GRB10: variants seen among roughly 807,000 people sequenced by gnomAD.
The protein encoded by GRB10 is growth factor receptor-bound protein 10.
Under a neutral mutation model 80.9 loss-of-function variants are expected in GRB10, and 20 were observed. The observed-to-expected ratio is 0.25, with a 90% confidence interval of 0.17 to 0.36. The LOEUF (loss-of-function observed/expected upper bound fraction) is 0.36. Among genes scored for constraint, GRB10 ranks in the 10% least tolerant of loss-of-function variants. The probability of loss-of-function intolerance (pLI) is 1.00; values close to 1 mark genes in which losing one functional copy is unlikely to be tolerated. For missense variants in GRB10, 548 were observed against 747.7 expected, an observed-to-expected ratio of 0.73 and a Z score of 3.12; for synonymous variants, 291 against 291.5, an observed-to-expected ratio of 1.00 and a Z score of 0.02.
intron 4 of GRB10, among the ~76,000 whole-genome samples, chr7:50,715,812 C>T (rs11765762): frequency 0.61 from 92,584 of 152,078 alleles, 31,345 homozygotes; most frequent in Middle Eastern, 0.86. Flanking sequence ...ACCCTCTCCC[C>T]CTAAATAACT....
intron 2 of GRB10, among the ~76,000 whole-genome samples, chr7:50,775,002 A>G (rs1049998047): frequency 6.7e-6 from 1 of 149,732 alleles, no homozygotes; most frequent in African/African-American, 2.5e-5. Flanking sequence ...AAACAAAACA[A>G]AAAAAAAAAC....
intron 7 of GRB10, among the ~76,000 whole-genome samples, chr7:50,650,119 G>A (rs540349524): frequency 6.6e-5 from 10 of 152,288 alleles, no homozygotes; most frequent in East Asian, 1.9e-4. Context: ...AGGAGACAGC[G>A]AAGGGATGAA....
At chr7:50,617,921 TC>T (rs796597678) in intron 10 of GRB10, 149 bp downstream of exon 10, 20 of 735,042 alleles carry the variant, frequency 2.7e-5, no homozygotes, top group South Asian at 1.3e-4. Context: ...CTCTAAACCC[TC>T]CCCCCAACCA....
intron 7 of GRB10, among the ~76,000 whole-genome samples, chr7:50,668,388 A>G (rs2060026821): frequency 6.6e-6 from 1 of 151,894 alleles, no homozygotes; most frequent in African/African-American, 2.4e-5. Flanking sequence ...ATATGCATTT[A>G]GCAGAAGGAA....
chr7:50,663,260 C>A (rs994154694), intron 7 of GRB10, among the ~76,000 whole-genome samples: 1 of 152,146 alleles, frequency 6.6e-6, no homozygotes, highest in Non-Finnish European at 1.5e-5. Context: ...GGTGAAGGGA[C>A]CTTCCCCCAC....
In GRB10 at chr7:50,595,442, A is replaced by G; in HGVS notation, c.1633T>C (p.Leu545=). The G allele has an allele frequency of 1.3e-6, 2 of 1,531,482 alleles. No homozygotes were observed. Among genetic ancestry groups the G allele is most frequent in the South Asian group, 1.1e-5 (1 of 89,404 alleles). 94.9% of individuals were successfully genotyped at this position (1,531,482 alleles called of 1,614,324 possible). Residue 545 remains leucine, a synonymous_variant, in exon 18 of 19, where the codon TTA becomes CTA. Coordinates refer to ENST00000401949, the MANE Select transcript of GRB10 (RefSeq NM_001350814.2). ...CTGAGAACATCAATACTTACAGGTA[A>G]GATCTGGAAATTTTTAATTTTCTGG... ...HHQKIKNFQI[L]PCEDDGQTFF...
chr7:50,727,798 C>T (rs1465216502), intron 4 of GRB10: 1 of 152,110 alleles, frequency 6.6e-6, no homozygotes, highest in Non-Finnish European at 1.5e-5. Flanking sequence ...CATACCAGCT[C>T]ATCCAAACAG....
chr7:50,598,767 C>T (rs540009696), intron 17 of GRB10, among the ~76,000 whole-genome samples: 8 of 152,326 alleles, frequency 5.3e-5, no homozygotes, highest in South Asian at 4.1e-4. Context: ...GGGGATAACA[C>T]CTCTCTTTCT....
At chr7:50,611,346 A>G (rs1167093299) in intron 13 of GRB10, among the ~76,000 whole-genome samples, 1 of 152,244 alleles carries the variant, frequency 6.6e-6, no homozygotes, top group Non-Finnish European at 1.5e-5. Context: ...ACTGCCCTCA[A>G]TGGATGTCAC....
intron 17 of GRB10, among the ~76,000 whole-genome samples, chr7:50,599,670 T>A (rs995589208): frequency 1.3e-5 from 2 of 152,140 alleles, no homozygotes; most frequent in Non-Finnish European, 2.9e-5. Flanking sequence ...CCGGGCTGAT[T>A]TGGGGAACGG....
In GRB10 at chr7:50,604,698, C is replaced by T. The variant is rs543958492; in HGVS notation, c.1390-321G>A. Among the ~76,000 whole-genome samples the T allele has an allele frequency of 5.9e-5, 9 of 152,348 alleles. No homozygotes were observed. In the South Asian group the frequency reaches 6.2e-4, roughly 11 times the overall value. On this transcript the variant is annotated intron_variant, in intron 15 of 18. Transcript: ENST00000401949. ...CACACAAGCCTTTCTATTAAACTCA[C>T]GCAGTTCTCAAAACACTGGGCACTG...
chr7:50,692,836 A>G (rs1178936584), intron 5 of GRB10, among the ~76,000 whole-genome samples: 1 of 152,176 alleles, frequency 6.6e-6, no homozygotes, highest in East Asian at 1.9e-4. Flanking sequence ...AGGTGTGTGC[A>G]GGGTGGCTCC....
chr7:50,742,263 G>A (rs869190431), intron 3 of GRB10, among the ~76,000 whole-genome samples: 3 of 26,354 alleles, frequency 1.1e-4, no homozygotes, highest in Non-Finnish European at 6.1e-4. Flanking sequence ...ACACGCGCAC[G>A]CGCGCGCGCA....
intron 18 of GRB10, among the ~76,000 whole-genome samples, chr7:50,593,890 C>T (rs2046182927): frequency 6.6e-6 from 1 of 152,190 alleles, no homozygotes; most frequent in South Asian, 2.1e-4. Context: ...AGGCTGCACA[C>T]CTAATGCCCT....
chr7:50,717,355 C>A (rs559924915), intron 4 of GRB10, among the ~76,000 whole-genome samples: 1 of 152,210 alleles, frequency 6.6e-6, no homozygotes, highest in African/African-American at 2.4e-5. Context: ...GAGTCAGGGG[C>A]AACTGGGCTC....
chr7:50,670,052 A>G (rs2060199861), intron 6 of GRB10, among the ~76,000 whole-genome samples, 189 bp from the exon 7 acceptor site: 1 of 152,218 alleles, frequency 6.6e-6, no homozygotes, highest in Admixed American at 6.5e-5. Flanking sequence ...AGATGGATGA[A>G]TGGATGAACA....
At chr7:50,742,287 A>G (rs148791983) in intron 3 of GRB10, among the ~76,000 whole-genome samples, 54 of 28,260 alleles carry the variant, frequency 1.9e-3, no homozygotes, top group African/African-American at 3.2e-3. Flanking sequence ...ACACACACAC[A>G]CACACACACA....
chr7:50,666,056 G>T (rs1006642873), intron 7 of GRB10, among the ~76,000 whole-genome samples: 1 of 152,204 alleles, frequency 6.6e-6, no homozygotes, highest in Non-Finnish European at 1.5e-5. Context: ...CCTGCCTGGG[G>T]CTGCTGCATG....
chr7:50,742,255 A>ACGCGCG (rs764613646), intron 3 of GRB10, among the ~76,000 whole-genome samples: 12 of 33,282 alleles, frequency 3.6e-4, no homozygotes, highest in African/African-American at 1.4e-3. Context: ...GTGTAAACAC[A>ACGCGCG]CGCGCACGCG....
Sources: gnomAD v4.1 joint callset for allele counts (sites outside exome capture counted in the v4.1 genomes callset) on GRCh38, gnomAD v4.1.1 for gene constraint, MANE v1.5 for transcripts, NCBI Gene and HGNC (gene_info 2026-07-23, HGNC 2026-07-21) for gene names.